The following MBD5 variants were observed in gnomAD, a reference collection of about 807,000 sequenced individuals.
The protein encoded by MBD5 is methyl-CpG-binding domain protein 5.
Under a neutral mutation model 117.3 loss-of-function variants are expected in MBD5, and 13 were observed. The observed-to-expected ratio is 0.11, with a 90% confidence interval of 0.07 to 0.18. The LOEUF (loss-of-function observed/expected upper bound fraction) is 0.18, where lower values mean the gene tolerates loss of function less well. Among genes scored for constraint, MBD5 ranks in the 10% least tolerant of loss-of-function variants. The pLI is 1.00. For missense variants in MBD5, 1,879 were observed against 2,093.8 expected, an observed-to-expected ratio of 0.90 and a Z score of 2.00; for synonymous variants, 727 against 766.4, an observed-to-expected ratio of 0.95 and a Z score of 0.85.
chr2:148,508,976 A>C (rs1682129420), intron 12 of MBD5, among the ~76,000 whole-genome samples: 1 of 152,184 alleles, frequency 6.6e-6, no homozygotes, highest in Non-Finnish European at 1.5e-5. Flanking sequence ...GCTATGGTAA[A>C]CTGAACTAAA....
intron 4 of MBD5, among the ~76,000 whole-genome samples, chr2:148,394,841 A>G (rs1341515902): frequency 6.6e-6 from 1 of 152,064 alleles, no homozygotes; most frequent in Non-Finnish European, 1.5e-5. Flanking sequence ...TTCATGATGA[A>G]TATATTATTG....
intron 1 of MBD5, among the ~76,000 whole-genome samples, chr2:148,136,556 A>G (rs1369209917): frequency 1.3e-5 from 2 of 152,164 alleles, no homozygotes; most frequent in Non-Finnish European, 2.9e-5. Flanking sequence ...TTGGTCATAT[A>G]GCTGTTTCTT....
At chr2:148,151,762 G>C (rs1484231543) in intron 1 of MBD5, among the ~76,000 whole-genome samples, 1 of 152,020 alleles carries the variant, frequency 6.6e-6, no homozygotes, top group Non-Finnish European at 1.5e-5. Context: ...ATGGTAGTTT[G>C]TATTTCTGTG....
At chr2:148,064,403 C>T (rs751771097) in intron 1 of MBD5, among the ~76,000 whole-genome samples, 46 of 151,700 alleles carry the variant, frequency 3.0e-4, no homozygotes, top group Non-Finnish European at 5.6e-4. Context: ...GCGTGAGCCA[C>T]CGCGCCCGGC....
chr2:148,240,175 C>A (rs926086474), intron 3 of MBD5, among the ~76,000 whole-genome samples: 1 of 152,082 alleles, frequency 6.6e-6, no homozygotes, highest in Non-Finnish European at 1.5e-5. Flanking sequence ...GGACAGAAAA[C>A]CAAACACTGC....
chr2:148,090,982 A>C (rs956520104), intron 1 of MBD5, among the ~76,000 whole-genome samples: 1 of 152,144 alleles, frequency 6.6e-6, no homozygotes, highest in Admixed American at 6.5e-5. Flanking sequence ...ATGTCTCAGG[A>C]TTCAAAATCA....
At chr2:148,200,682 G>C (rs531496603) in intron 2 of MBD5, among the ~76,000 whole-genome samples, 4 of 138,120 alleles carry the variant, frequency 2.9e-5, no homozygotes, top group South Asian at 2.3e-4. Flanking sequence ...GACAGAGCGA[G>C]ACTCTATCTC....
intron 1 of MBD5, among the ~76,000 whole-genome samples, chr2:148,103,605 G>A (rs965008494): frequency 2.6e-5 from 4 of 152,014 alleles, no homozygotes; most frequent in African/African-American, 7.3e-5. Flanking sequence ...TCAGTGAAGT[G>A]CCCTTTCTTT....
At chr2:148,410,034 TG>T (rs904951242) in intron 4 of MBD5, among the ~76,000 whole-genome samples, 5 of 152,286 alleles carry the variant, frequency 3.3e-5, no homozygotes, top group African/African-American at 1.2e-4. Context: ...TGCACATGTT[TG>T]ATTATTTCTT....
intron 2 of MBD5, among the ~76,000 whole-genome samples, chr2:148,213,282 A>AT (rs1699475318): frequency 2.0e-5 from 3 of 152,138 alleles, no homozygotes; most frequent in African/African-American, 7.2e-5. Flanking sequence ...GGATGTTATT[A>AT]TTTTTTAGCT....
At position 148,468,543 on chromosome 2, in the gene MBD5, A is replaced by T. The variant is rs758170617; in HGVS notation, c.600A>T (p.Arg200=). The T allele has an allele frequency of 6.2e-7, 1 of 1,613,912 alleles. No individual in the cohort carries two copies. The highest frequency in any genetic ancestry group is 1.1e-5 in the South Asian group (1 of 91,086). ...AAGAACTCCACCCTGTCTACCCCCG[A>T]CAGAGATTGGGCAGCAGTGAACATG... is the stretch of plus-strand genomic sequence containing the variant. ...QQQELHPVYP[R]QRLGSSEHGQ... Residue 200 remains arginine (R), a synonymous_variant, in exon 8 of 14, where the codon CGA becomes CGT. Coordinates refer to ENST00000642680, the MANE Select transcript of MBD5 (RefSeq NM_001378120.1).
intron 1 of MBD5, among the ~76,000 whole-genome samples, chr2:148,085,360 C>T (rs989396333): frequency 2.0e-5 from 3 of 152,178 alleles, no homozygotes; most frequent in Non-Finnish European, 4.4e-5. Context: ...TGTTCTTTTC[C>T]CGTTACTGAG....
intron 2 of MBD5, among the ~76,000 whole-genome samples, chr2:148,203,732 C>G (rs1056306805): frequency 6.6e-6 from 1 of 152,200 alleles, no homozygotes; most frequent in South Asian, 2.1e-4. Flanking sequence ...TTATGCTTCT[C>G]TAAAGCTGAG....
intron 1 of MBD5, among the ~76,000 whole-genome samples, chr2:148,038,560 T>C (rs774197960): frequency 2.7e-5 from 4 of 150,850 alleles, no homozygotes; most frequent in Non-Finnish European, 4.4e-5. Context: ...AACTTGAGGA[T>C]TGGGGAAATT....
rs542575403 is a variant in MBD5 at position 148,130,976 on chromosome 2, A to G, written c.-924-47724A>G. Among the ~76,000 whole-genome samples the G allele has an allele frequency of 3.3e-5, 5 of 152,322 alleles. No individual in the cohort carries two copies. In the East Asian group the frequency reaches 5.8e-4, roughly 18 times the overall value. ...ACTTAACTGAAAACTGCATCCATCC[A>G]TAACATCTCATTTCCTGATAATACG... On this transcript the variant is annotated intron_variant, in intron 1 of 13. Coordinates refer to ENST00000642680, the MANE Select transcript of MBD5 (RefSeq NM_001378120.1).
chr2:148,074,507 G>GTTTTTTTTTTTGT (rs1553469620), intron 1 of MBD5, among the ~76,000 whole-genome samples: 3,787 of 113,540 alleles, frequency 0.033, 231 homozygotes, highest in African/African-American at 0.086. Context: ...TTTTTTTTTT[G>GTTTTTTTTTTTGT]TTTTTTTTTT....
chr2:148,378,677 A>T (rs992880543), intron 4 of MBD5, among the ~76,000 whole-genome samples: 10 of 152,082 alleles, frequency 6.6e-5, no homozygotes, highest in Admixed American at 1.3e-4. Flanking sequence ...TCAATTTTTT[A>T]AAAATATTCA....
intron 3 of MBD5, among the ~76,000 whole-genome samples, chr2:148,266,455 A>T (rs1039831701): frequency 2.0e-5 from 3 of 152,074 alleles, no homozygotes. Context: ...CAAGCATGCC[A>T]CTTTAAAGTA....
intron 3 of MBD5, among the ~76,000 whole-genome samples, chr2:148,297,076 GGTTT>G (rs1334470496): frequency 6.6e-6 from 1 of 151,426 alleles, no homozygotes; most frequent in African/African-American, 2.4e-5. Flanking sequence ...GTAGAAACGG[GGTTT>G]CACCGTGTTG....
Sources: gnomAD v4.1 joint callset for allele counts (sites outside exome capture counted in the v4.1 genomes callset) on GRCh38, gnomAD v4.1.1 for gene constraint, MANE v1.5 for transcripts, NCBI Gene and HGNC (gene_info 2026-07-23, HGNC 2026-07-21) for gene names.